The following KDM4B variants were observed in gnomAD, a reference collection of about 807,000 sequenced individuals.
The protein encoded by KDM4B is lysine-specific demethylase 4B.
Under a neutral mutation model 125.2 loss-of-function variants are expected in KDM4B, and 32 were observed. That is an observed-to-expected ratio of 0.26 (90% CI 0.19 to 0.34). The LOEUF is 0.34. Among genes scored for constraint, KDM4B ranks in the 10% least tolerant of loss-of-function variants. The probability of loss-of-function intolerance (pLI) is 1.00; values close to 1 mark genes in which losing one functional copy is unlikely to be tolerated. For missense variants in KDM4B, 1,190 were observed against 1,577.7 expected, an observed-to-expected ratio of 0.75 and a Z score of 4.16; for synonymous variants, 721 against 677.9, an observed-to-expected ratio of 1.06 and a Z score of -0.99.
Position 5,115,479 on chromosome 19 carries a change from T to C in KDM4B, c.1116-4174T>C, listed in dbSNP as rs2039237584. 6.6e-6 allele frequency among the ~76,000 whole-genome samples: 1 copy of C among 152,160 alleles called. No homozygotes were observed. The highest frequency in any genetic ancestry group is 1.5e-5 in the Non-Finnish European group (1 of 68,016). The stretch of plus-strand genomic sequence containing the variant: ...GGAGCAAAGCCACATATGCTGATAC[T>C]GGGGCTCTCCTAAAGTCACAGGCTC... On this transcript the variant is annotated intron_variant, in intron 10 of 22. Transcript: ENST00000159111. The surrounding 1 kb of genome is among the most constrained non-coding windows in gnomAD (Gnocchi z 4.2).
intron 1 of KDM4B, among the ~76,000 whole-genome samples, chr19:4,978,463 C>T (rs1447018852): frequency 3.0e-5 from 4 of 134,490 alleles, no homozygotes; most frequent in African/African-American, 2.9e-5. Flanking sequence ...GCTGAGATCA[C>T]GCCACTGCAC....
intron 21 of KDM4B, among the ~76,000 whole-genome samples, chr19:5,146,601 C>G (rs2039849752): frequency 6.6e-6 from 1 of 152,162 alleles, no homozygotes; most frequent in South Asian, 2.1e-4. Context: ...AATCCCTGCT[C>G]AGCTCACCTG....
chr19:5,017,020 G>A (rs1390352237), intron 2 of KDM4B, among the ~76,000 whole-genome samples: 1 of 152,350 alleles, frequency 6.6e-6, no homozygotes, highest in East Asian at 1.9e-4. Context: ...GGCAGAGGTG[G>A]CAGTGGCAGC....
chr19:5,032,578 G>C (rs914605276), intron 2 of KDM4B, among the ~76,000 whole-genome samples: 1 of 152,182 alleles, frequency 6.6e-6, no homozygotes, highest in Non-Finnish European at 1.5e-5. Flanking sequence ...CTTTCTCTCC[G>C]AGGCCCCGCT....
intron 1 of KDM4B, among the ~76,000 whole-genome samples, chr19:5,015,727 G>C (rs771768354): frequency 1.2e-4 from 19 of 152,224 alleles, no homozygotes; most frequent in Non-Finnish European, 1.6e-4. Context: ...CACATCCAAA[G>C]TTTGGAGTTC....
chr19:5,002,417 T>C (rs1023734086), intron 1 of KDM4B, among the ~76,000 whole-genome samples: 18 of 151,886 alleles, frequency 1.2e-4, no homozygotes, highest in Admixed American at 3.9e-4. Flanking sequence ...CTCTCCTTTC[T>C]CTCTCCTTTC....
At chr19:5,135,973 C>A (rs1454495273) in intron 15 of KDM4B, among the ~76,000 whole-genome samples, 1 of 152,262 alleles carries the variant, frequency 6.6e-6, no homozygotes. Flanking sequence ...CAGAAGCTCA[C>A]CCTAGGGCCA....
At position 5,109,047 on chromosome 19, in the gene KDM4B, G is replaced by A. The variant is rs372817350; in HGVS notation, c.919-1575G>A. On this transcript the variant is annotated intron_variant, in intron 9 of 22. Coordinates refer to ENST00000159111, the MANE Select transcript of KDM4B (RefSeq NM_015015.3). ...CAGGTCAACTCTGTCCCTGGCCTCT[G>A]TTTATTAATAAAGTTTTATTGACAC... Among the ~76,000 whole-genome samples the A allele has an allele frequency of 1.5e-4, 23 of 152,338 alleles. No homozygotes were observed. The South Asian group carries it at 3.3e-3, about 22-fold the overall frequency.
chr19:5,092,429 C>T (rs2038727996), intron 9 of KDM4B, among the ~76,000 whole-genome samples: 1 of 152,210 alleles, frequency 6.6e-6, no homozygotes, highest in South Asian at 2.1e-4. Flanking sequence ...TCCTTTCTCC[C>T]ACTGCTCTCG....
chr19:5,014,168 A>G (rs2145504639), intron 1 of KDM4B, among the ~76,000 whole-genome samples: 1 of 152,338 alleles, frequency 6.6e-6, no homozygotes, highest in East Asian at 1.9e-4. Context: ...TTTTTTTGAG[A>G]CAGGGTCTCG....
At chr19:4,986,599 C>T (rs1475417253) in intron 1 of KDM4B, among the ~76,000 whole-genome samples, 5 of 152,130 alleles carry the variant, frequency 3.3e-5, no homozygotes, top group Non-Finnish European at 7.4e-5. Context: ...GAGGGGCCGG[C>T]GAGGAAGACG....
At chr19:5,132,413 T>C (rs556289123) in intron 13 of KDM4B, among the ~76,000 whole-genome samples, 1 of 152,328 alleles carries the variant, frequency 6.6e-6, no homozygotes, top group East Asian at 1.9e-4. Flanking sequence ...AGCCGAGAGC[T>C]GCTGTCTTGT....
chr19:5,001,581 G>C (rs936615294), intron 1 of KDM4B, among the ~76,000 whole-genome samples: 1 of 152,188 alleles, frequency 6.6e-6, no homozygotes, highest in African/African-American at 2.4e-5. Context: ...TTGGTGGAAG[G>C]GTATCTTCAT....
At chr19:5,074,731 C>G (rs1208243114) in intron 7 of KDM4B, 1 of 152,350 alleles carries the variant, frequency 6.6e-6, no homozygotes, top group African/African-American at 2.4e-5. Context: ...GCAGAAGCAC[C>G]GTGGCCCCGC....
intron 5 of KDM4B, 52 bp downstream of exon 5, chr19:5,041,303 G>A (rs372544129): frequency 1.4e-6 from 2 of 1,430,378 alleles, no homozygotes; most frequent in South Asian, 1.2e-5. Flanking sequence ...GGTGGGTGGT[G>A]GTGGGAGGGC....
chr19:5,148,133 C>T (rs908209393), intron 21 of KDM4B, among the ~76,000 whole-genome samples: 3 of 152,268 alleles, frequency 2.0e-5, no homozygotes, highest in African/African-American at 7.2e-5. Flanking sequence ...CCGGGCAAGA[C>T]GTCACCACAG....
chr19:4,991,267 C>T (rs977599405), intron 1 of KDM4B, among the ~76,000 whole-genome samples: 1 of 151,934 alleles, frequency 6.6e-6, no homozygotes, highest in Non-Finnish European at 1.5e-5. Flanking sequence ...CTGCCCTACC[C>T]CCATCTGTGG....
intron 1 of KDM4B, among the ~76,000 whole-genome samples, chr19:4,977,188 C>G (rs995999270): frequency 6.6e-6 from 1 of 152,226 alleles, no homozygotes; most frequent in Non-Finnish European, 1.5e-5. Flanking sequence ...CATCTCCGCC[C>G]TGCTGGCAGG....
At chr19:5,012,553 C>T (rs1317598688) in intron 1 of KDM4B, among the ~76,000 whole-genome samples, 2 of 152,206 alleles carry the variant, frequency 1.3e-5, no homozygotes, top group African/African-American at 2.4e-5. Flanking sequence ...CTCCTCTGGG[C>T]TGGGACCACT....
Sources: allele counts gnomAD v4.1 joint callset (sites outside exome capture counted in the v4.1 genomes callset), GRCh38; gene constraint gnomAD v4.1.1; non-coding constraint Gnocchi (gnomAD v3.1); transcripts MANE v1.5; gene names NCBI Gene and HGNC (gene_info 2026-07-23, HGNC 2026-07-21).